C12orf60: variants seen among roughly 807,000 people sequenced by gnomAD.
C12orf60 encodes chromosome 12 open reading frame 60.
For synonymous variants in C12orf60, 102 were observed against 94.6 expected (o/e 1.08, Z -0.45); for missense variants, 284 against 283.2 (o/e 1.00, Z -0.02).
At chr12:14,810,020 G>A (rs890724666) in intron 1 of C12orf60, among the ~76,000 whole-genome samples, 2 of 152,084 alleles carry the variant, frequency 1.3e-5, no homozygotes, top group Non-Finnish European at 2.9e-5. Context: ...ACTCTTTTTC[G>A]TGGGATCTAG....
intron 1 of C12orf60, among the ~76,000 whole-genome samples, chr12:14,818,317 G>A (rs1950254332): frequency 6.6e-6 from 1 of 152,186 alleles, no homozygotes; most frequent in Non-Finnish European, 1.5e-5. Flanking sequence ...AAGCTCTTTA[G>A]TTTAATTAGA....
At chr12:14,822,772 C>A in intron 1 of C12orf60, 140 bp from the exon 2 acceptor site, 4 of 624,742 alleles carry the variant, frequency 6.4e-6, no homozygotes, top group Non-Finnish European at 5.2e-6. Flanking sequence ...AAGCATAGTA[C>A]CATTTTTGTT....
At chr12:14,806,502 C>T (rs1950053515) in intron 1 of C12orf60, 17 of 1,613,954 alleles carry the variant, frequency 1.1e-5, no homozygotes, top group Non-Finnish European at 1.4e-5. Context: ...TTTGATGGTC[C>T]CATCTCTTTT....
chr12:14,806,393 A>C lies in C12orf60; in HGVS notation c.-25+2642A>C, dbSNP rs767087930. The C allele has an allele frequency of 1.9e-6, 3 of 1,614,200 alleles. No individual in the cohort carries two copies. The Admixed American group carries it at 5.0e-5, about 27-fold the overall frequency. Reference sequence around the variant, plus strand: ...TTTCCTTAATATCCTGAAGTTTTCTATAGAGGGTTGGCTCTAGCTTATCTT... The same window carrying C: ...TTTCCTTAATATCCTGAAGTTTTCTCTAGAGGGTTGGCTCTAGCTTATCTT... On this transcript the variant is annotated intron_variant, in intron 1 of 1. Coordinates refer to ENST00000330828, the MANE Select transcript of C12orf60 (RefSeq NM_175874.4).
At chr12:14,808,960 G>A (rs1950095956) in intron 1 of C12orf60, among the ~76,000 whole-genome samples, 1 of 152,110 alleles carries the variant, frequency 6.6e-6, no homozygotes, top group Non-Finnish European at 1.5e-5. Context: ...TTTGGACTTT[G>A]AATTTTCTTT....
intron 1 of C12orf60, chr12:14,806,199 C>A: frequency 6.2e-7 from 1 of 1,614,068 alleles, no homozygotes; most frequent in Non-Finnish European, 8.5e-7. Flanking sequence ...TCCAATACTA[C>A]CAAGGAGAGA....
intron 1 of C12orf60, among the ~76,000 whole-genome samples, chr12:14,816,094 G>C (rs1281087473): frequency 6.6e-6 from 1 of 152,110 alleles, no homozygotes; most frequent in East Asian, 1.9e-4. Context: ...CAGTATTAAC[G>C]TCAAGTCAAT....
At position 14,823,431 on chromosome 12, in the gene C12orf60, G is replaced by A. The variant is rs774470193; in HGVS notation, c.496G>A (p.Asp166Asn). The A allele has an allele frequency of 1.9e-6, 3 of 1,613,938 alleles. No homozygotes were observed. In the South Asian group the frequency reaches 3.3e-5, roughly 18 times the overall value. ...TACAGAAGACACCAAAGAGCAATCA[G>A]ATGTCACCACATCTGAGAGAACCAG... The part of the protein sequence containing the change: ...FYTEDTKEQS[D>N]VTTSERTRSP... The change falls in exon 2 of 2, where the codon GAT becomes AAT. Residue 166 changes from aspartate to asparagine, a missense_variant. By Grantham distance (23) the Asp-to-Asn change is conservative (BLOSUM62 1). Coordinates refer to ENST00000330828, the MANE Select transcript of C12orf60 (RefSeq NM_175874.4).
intron 1 of C12orf60, chr12:14,806,460 A>G: frequency 1.9e-6 from 3 of 1,614,160 alleles, no homozygotes; most frequent in South Asian, 1.1e-5. Flanking sequence ...TTGGATTTTC[A>G]TAATGGCTTG....
chr12:14,805,703 C>G, intron 1 of C12orf60: 1 of 282,644 alleles, frequency 3.5e-6, no homozygotes, highest in East Asian at 6.8e-5. Context: ...AAAAGTAACC[C>G]CTATACTTGC....
chr12:14,811,427 T>G (rs1950134917), intron 1 of C12orf60, among the ~76,000 whole-genome samples: 1 of 152,162 alleles, frequency 6.6e-6, no homozygotes, highest in Non-Finnish European at 1.5e-5. Context: ...AGAGTTCTGT[T>G]GCTAAAACAA....
In C12orf60 at chr12:14,806,425, C is replaced by T. The variant is rs1206981939; in HGVS notation, c.-25+2674C>T. 3 of 1,614,196 alleles carry T rather than the reference C, an allele frequency of 1.9e-6. No individual in the cohort carries two copies. In the Admixed American group the frequency reaches 5.0e-5, roughly 27 times the overall value. On this transcript the variant is annotated intron_variant, in intron 1 of 1. Coordinates refer to ENST00000330828, the MANE Select transcript of C12orf60 (RefSeq NM_175874.4). ...GTTGGCTCTAGCTTATCTTTTAGTGCTTCATCAACCTTCTGCAATTCCTTT... is the reference window on the plus strand; with the variant it reads ...GTTGGCTCTAGCTTATCTTTTAGTGTTTCATCAACCTTCTGCAATTCCTTT...
At chr12:14,822,767 T>A (rs1477165534) in intron 1 of C12orf60, 145 bp from the exon 2 acceptor site, 3 of 611,388 alleles carry the variant, frequency 4.9e-6, no homozygotes, top group African/African-American at 1.8e-5. Context: ...TATTGAAGCA[T>A]AGTACCATTT....
Position 14,807,715 on chromosome 12 carries a change from C to T in C12orf60, c.-25+3964C>T, listed in dbSNP as rs77083560. Among the ~76,000 whole-genome samples the T allele has an allele frequency of 2.1e-3, 324 of 152,202 alleles. 6 individuals are homozygous for T. The East Asian group carries it at 0.049, about 23-fold the overall frequency. On this transcript the variant is annotated intron_variant, in intron 1 of 1. Coordinates refer to ENST00000330828, the MANE Select transcript of C12orf60 (RefSeq NM_175874.4). Reference sequence around the variant, plus strand: ...ATGTGGGGAGAAGGTAGGCACTATACAGGGCACAGTGTTAATCAGATAATC... The same window carrying T: ...ATGTGGGGAGAAGGTAGGCACTATATAGGGCACAGTGTTAATCAGATAATC...
intron 1 of C12orf60, among the ~76,000 whole-genome samples, chr12:14,810,293 T>C (rs1387922396): frequency 6.6e-6 from 1 of 152,126 alleles, no homozygotes; most frequent in Non-Finnish European, 1.5e-5. Flanking sequence ...CCAAATGAGA[T>C]AAGAAGCACT....
intron 1 of C12orf60, among the ~76,000 whole-genome samples, chr12:14,807,804 C>T (rs1479058318): frequency 6.6e-6 from 1 of 152,016 alleles, no homozygotes; most frequent in South Asian, 2.1e-4. Flanking sequence ...TAAATAGTAT[C>T]GCACTTGGGC....
intron 1 of C12orf60, chr12:14,814,082 C>T (rs1289767561): frequency 6.6e-6 from 1 of 152,166 alleles, no homozygotes; most frequent in Non-Finnish European, 1.5e-5. Context: ...TACTGAGAAA[C>T]AGAGTATTAT....
chr12:14,807,740 CAT>C (rs112861905), intron 1 of C12orf60, among the ~76,000 whole-genome samples: 2,508 of 152,204 alleles, frequency 0.016, 67 homozygotes, highest in African/African-American at 0.056. Flanking sequence ...ATCAGATAAT[CAT>C]GTGATTATTC....
chr12:14,810,409 A>G (rs894576182), intron 1 of C12orf60, among the ~76,000 whole-genome samples: 5 of 152,248 alleles, frequency 3.3e-5, no homozygotes, highest in Non-Finnish European at 7.3e-5. Context: ...TTATTGATTC[A>G]TTAACAATTC....
Sources: allele counts gnomAD v4.1 joint callset (sites outside exome capture counted in the v4.1 genomes callset), GRCh38; gene constraint gnomAD v4.1.1; transcripts MANE v1.5; gene names NCBI Gene and HGNC (gene_info 2026-07-23, HGNC 2026-07-21).